TENM1: variants seen among roughly 807,000 people sequenced by gnomAD.
The protein encoded by TENM1 is teneurin transmembrane protein 1, also known as teneurin-1.
Under a neutral mutation model 174.8 loss-of-function variants are expected in TENM1, and 35 were observed. The ratio of observed to expected loss-of-function variants is 0.20; its 90% CI spans 0.15 to 0.27. The LOEUF is 0.27. Ranked by LOEUF, TENM1 falls within the 10% of genes least tolerant of loss-of-function variation. The pLI, the probability that TENM1 is intolerant of heterozygous loss-of-function variation, is 1.00. For synonymous variants in TENM1, 781 were observed against 798.7 expected (o/e 0.98, Z 0.37); for missense variants, 1,633 against 2,130.1 (o/e 0.77, Z 4.59).
the TENM1 span, among the ~76,000 whole-genome samples, chrX:125,167,993 A>G: frequency 9.0e-6 from 1 of 110,840 alleles, no homozygotes; most frequent in Non-Finnish European, 1.9e-5. Context: ...ACCTACTTAT[A>G]CTGCTTTGTA....
At chrX:124,994,997 T>C in the TENM1 span, among the ~76,000 whole-genome samples, 1 of 110,910 alleles carries the variant, frequency 9.0e-6, no homozygotes, top group Non-Finnish European at 1.9e-5. Context: ...CAGCCTCACT[T>C]GTGCCATTTG....
the TENM1 span, among the ~76,000 whole-genome samples, chrX:125,000,295 A>G: frequency 9.0e-6 from 1 of 111,577 alleles, no homozygotes; most frequent in South Asian, 3.7e-4. Flanking sequence ...TGGTTTTAAT[A>G]ATTGAAAATA....
chrX:124,804,415 C>T (rs902950560), intron 3 of TENM1, among the ~76,000 whole-genome samples: 2 of 111,792 alleles, frequency 1.8e-5, no homozygotes, highest in African/African-American at 6.5e-5. Flanking sequence ...CAGTTCCTGG[C>T]TTAATACCTT....
intron 3 of TENM1, among the ~76,000 whole-genome samples, chrX:124,881,219 C>G (rs1434099330): frequency 9.0e-6 from 1 of 111,496 alleles, no homozygotes; most frequent in African/African-American, 3.2e-5. Flanking sequence ...CATTTTTGAT[C>G]TGTTCAGGTT....
intron 16 of TENM1, among the ~76,000 whole-genome samples, chrX:124,527,208 A>G (rs2047994467): frequency 1.8e-5 from 2 of 111,930 alleles, no homozygotes; most frequent in Admixed American, 9.4e-5. Flanking sequence ...TTCCTTTAGA[A>G]TAGGCTTTTT....
At chrX:125,128,611 C>G in the TENM1 span, among the ~76,000 whole-genome samples, 1 of 111,075 alleles carries the variant, frequency 9.0e-6, no homozygotes, top group Non-Finnish European at 1.9e-5. Flanking sequence ...ATTTTCTTTT[C>G]CCATTCACCG....
At chrX:124,579,279 A>T (rs1167691303) in intron 11 of TENM1, among the ~76,000 whole-genome samples, 1 of 111,727 alleles carries the variant, frequency 9.0e-6, no homozygotes, top group African/African-American at 3.3e-5. Context: ...CCAAGCCCCA[A>T]TTGTTACTTT....
intron 3 of TENM1, among the ~76,000 whole-genome samples, chrX:124,882,733 T>A (rs945642493): frequency 8.9e-6 from 1 of 112,341 alleles, no homozygotes; most frequent in Non-Finnish European, 1.9e-5. Flanking sequence ...CTACTCTGGC[T>A]CTTTTTTGGT....
intron 3 of TENM1, among the ~76,000 whole-genome samples, chrX:124,769,689 T>A (rs2054612214): frequency 8.9e-6 from 1 of 112,324 alleles, no homozygotes; most frequent in Admixed American, 9.5e-5. Context: ...TTGCGTAAAG[T>A]TAAAAGACAG....
the TENM1 span, among the ~76,000 whole-genome samples, chrX:125,052,027 G>A: frequency 9.0e-6 from 1 of 111,430 alleles, no homozygotes; most frequent in Non-Finnish European, 1.9e-5. Flanking sequence ...ATCAAAAAGT[G>A]GGCGAAGGAT....
At chrX:124,403,303 G>A (rs1317422175) in intron 27 of TENM1, among the ~76,000 whole-genome samples, 4 of 109,795 alleles carry the variant, frequency 3.6e-5, no homozygotes, top group Non-Finnish European at 7.6e-5. Flanking sequence ...GGTGGATCAC[G>A]AGGTCAGGAG....
chrX:125,096,880 T>C, the TENM1 span, among the ~76,000 whole-genome samples: 3 of 97,926 alleles, frequency 3.1e-5, 1 homozygote, highest in Non-Finnish European at 5.9e-5. Context: ...AGAGTAATGA[T>C]TTAAAAAAAA....
At chrX:124,441,571 G>A (rs1244194804) in intron 23 of TENM1, among the ~76,000 whole-genome samples, 1 of 111,741 alleles carries the variant, frequency 8.9e-6, no homozygotes. Flanking sequence ...TTGGATCAGC[G>A]GGAGGAATTG....
chrX:124,825,731 G>GAT (rs942942737), intron 3 of TENM1, among the ~76,000 whole-genome samples: 1 of 111,549 alleles, frequency 9.0e-6, no homozygotes, highest in African/African-American at 3.3e-5. Flanking sequence ...AACATGCATC[G>GAT]ATACTTAATA....
chrX:124,461,475 ACAG>A (rs1248402447), intron 22 of TENM1, among the ~76,000 whole-genome samples: 5 of 112,112 alleles, frequency 4.5e-5, no homozygotes, highest in African/African-American at 1.6e-4. Flanking sequence ...ACTATTCACA[ACAG>A]CCAAAATATG....
At chrX:125,088,574 AT>A in the TENM1 span, among the ~76,000 whole-genome samples, 28 of 111,375 alleles carry the variant, frequency 2.5e-4, 1 homozygote, top group Middle Eastern at 0.019. Flanking sequence ...AAGCTTATTA[AT>A]TTTTTTAAAA....
intron 4 of TENM1, among the ~76,000 whole-genome samples, chrX:124,710,974 G>T (rs1034884778): frequency 2.7e-5 from 3 of 112,192 alleles, no homozygotes; most frequent in Admixed American, 9.5e-5. Context: ...CATACAATCA[G>T]ATCATCTGTC....
At chrX:124,941,289 G>A (rs1397535778) in intron 1 of TENM1, among the ~76,000 whole-genome samples, 8 of 111,439 alleles carry the variant, frequency 7.2e-5, no homozygotes, top group African/African-American at 2.3e-4. Context: ...TTTACTTAAC[G>A]AGACCTTTTT....
At chrX:124,515,464 C>T (rs752542093) in intron 18 of TENM1, among the ~76,000 whole-genome samples, 1 of 111,479 alleles carries the variant, frequency 9.0e-6, no homozygotes, top group Non-Finnish European at 1.9e-5. Context: ...GATTTGGTCC[C>T]AAAGCTCCTT....
Sources: allele counts gnomAD v4.1 joint callset (sites outside exome capture counted in the v4.1 genomes callset), GRCh38; gene constraint gnomAD v4.1.1; transcripts MANE v1.5; gene names NCBI Gene and HGNC (gene_info 2026-07-23, HGNC 2026-07-21).